XPNPEP3: variants seen among roughly 807,000 people sequenced by gnomAD.
XPNPEP3 encodes the protein X-prolyl aminopeptidase 3.
Under a neutral mutation model 60.0 loss-of-function variants are expected in XPNPEP3, and 41 were observed. The ratio of observed to expected loss-of-function variants is 0.68; its 90% confidence interval spans 0.53 to 0.89. The LOEUF is 0.89. Among genes scored for constraint, XPNPEP3 ranks in the 40% least tolerant of loss-of-function variants. XPNPEP3 has a pLI of 0.00. For synonymous variants in XPNPEP3, 212 were observed against 223.2 expected (o/e 0.95, Z 0.45); for missense variants, 598 against 638.9 (o/e 0.94, Z 0.69).
At chr22:40,902,722 T>G (rs1304930369) in intron 4 of XPNPEP3, among the ~76,000 whole-genome samples, 3 of 152,222 alleles carry the variant, frequency 2.0e-5, no homozygotes, top group Non-Finnish European at 4.4e-5. Flanking sequence ...TAGAGTTCAA[T>G]TGTTAAAGAA....
chr22:40,885,171 A>G (rs2058063870), intron 3 of XPNPEP3, among the ~76,000 whole-genome samples: 1 of 152,312 alleles, frequency 6.6e-6, no homozygotes, highest in South Asian at 2.1e-4. Flanking sequence ...ATAGAATCAT[A>G]GAATCAGTGC....
At chr22:40,879,148 A>G (rs920150395) in intron 2 of XPNPEP3, among the ~76,000 whole-genome samples, 1 of 152,168 alleles carries the variant, frequency 6.6e-6, no homozygotes, top group Non-Finnish European at 1.5e-5. Context: ...CTGCCTAAGA[A>G]ACCTAGGAGA....
At chr22:40,924,199 G>A (rs910971203) in intron 8 of XPNPEP3, among the ~76,000 whole-genome samples, 163 bp from the exon 9 acceptor site, 3 of 152,110 alleles carry the variant, frequency 2.0e-5, no homozygotes, top group Non-Finnish European at 2.9e-5. Context: ...GTAAGAGGTC[G>A]CAGTTTTTCA....
intron 4 of XPNPEP3, among the ~76,000 whole-genome samples, chr22:40,901,694 C>T (rs1218488978): frequency 6.6e-6 from 1 of 151,772 alleles, no homozygotes; most frequent in Non-Finnish European, 1.5e-5. Context: ...AGGCTGGTTT[C>T]GAACTGCTGG....
At position 40,926,489 on chromosome 22, in the gene XPNPEP3, C is replaced by A; in HGVS notation, c.*54C>A. The A allele has an allele frequency of 6.3e-7, 1 of 1,598,448 alleles. No individual in the cohort carries two copies. Among genetic ancestry groups the A allele is most frequent in the Non-Finnish European group, 8.6e-7 (1 of 1,166,830 alleles). On this transcript the variant is annotated 3_prime_UTR_variant, in exon 10 of 10. Coordinates refer to ENST00000357137, the MANE Select transcript of XPNPEP3 (RefSeq NM_022098.4). The stretch of plus-strand genomic sequence containing the variant: ...GTTCAAAATGGGTGTCTTCTGGCAG[C>A]CCTGCACGTGTGCTTTCTGAGTGTC...
chr22:40,877,098 A>G (rs537591186), intron 2 of XPNPEP3, among the ~76,000 whole-genome samples: 1 of 152,292 alleles, frequency 6.6e-6, no homozygotes, highest in Non-Finnish European at 1.5e-5. Flanking sequence ...GACTTTGTGT[A>G]AGTAGAATCA....
At position 40,861,410 on chromosome 22, in the gene XPNPEP3, A is replaced by G. The variant is rs772998108; in HGVS notation, c.64+4165A>G. 11 of 1,613,738 alleles carry G rather than the reference A, an allele frequency of 6.8e-6. No individual in the cohort carries two copies. The South Asian group carries it at 1.2e-4, about 18-fold the overall frequency. ...TTTTCTTTGTATTAATATTTCTGCC[A>G]TTAACGATTTTGTCTGAAGTTGTAA... On this transcript the variant is annotated intron_variant, in intron 1 of 9. Coordinates refer to ENST00000357137, the MANE Select transcript of XPNPEP3 (RefSeq NM_022098.4).
At chr22:40,924,800 C>T (rs1016723408) in intron 9 of XPNPEP3, among the ~76,000 whole-genome samples, 3 of 152,114 alleles carry the variant, frequency 2.0e-5, no homozygotes, top group African/African-American at 2.4e-5. Flanking sequence ...TAGGATTATA[C>T]GTGAGCTACC....
intron 1 of XPNPEP3, among the ~76,000 whole-genome samples, chr22:40,864,249 CTT>C: frequency 6.6e-6 from 1 of 152,244 alleles, no homozygotes; most frequent in East Asian, 1.9e-4. Flanking sequence ...TCTGTAAACT[CTT>C]GGGGTGCTGG....
chr22:40,903,500 T>G (rs1481550863), intron 4 of XPNPEP3, among the ~76,000 whole-genome samples: 1 of 152,000 alleles, frequency 6.6e-6, no homozygotes, highest in Non-Finnish European at 1.5e-5. Flanking sequence ...TTGATTTTTT[T>G]TTTTTTTTAA....
intron 6 of XPNPEP3, among the ~76,000 whole-genome samples, chr22:40,910,056 C>A (rs916872933): frequency 6.6e-6 from 1 of 151,294 alleles, no homozygotes; most frequent in Admixed American, 6.6e-5. Flanking sequence ...AAGTCCATTT[C>A]TTTACTGATT....
At chr22:40,897,101 G>A (rs1420702010) in intron 4 of XPNPEP3, among the ~76,000 whole-genome samples, 3 of 140,062 alleles carry the variant, frequency 2.1e-5, no homozygotes, top group Non-Finnish European at 3.0e-5. Flanking sequence ...GCGCAATCTC[G>A]GCTCACTGCA....
intron 1 of XPNPEP3, among the ~76,000 whole-genome samples, chr22:40,859,342 A>G (rs766259385): frequency 6.6e-6 from 1 of 152,190 alleles, no homozygotes; most frequent in Non-Finnish European, 1.5e-5. Context: ...ATTTTAAGCT[A>G]TTGAGTAAGA....
At chr22:40,893,025 T>C (rs1327796626) in intron 4 of XPNPEP3, among the ~76,000 whole-genome samples, 1 of 150,946 alleles carries the variant, frequency 6.6e-6, no homozygotes, top group Non-Finnish European at 1.5e-5. Flanking sequence ...TTTTATGTGT[T>C]AGATTATTAT....
At position 40,924,353 on chromosome 22, in the gene XPNPEP3, C is replaced by T. The variant is rs1417343414; in HGVS notation, c.1237-9C>T. On this transcript the variant is annotated splice_polypyrimidine_tract_variant and intron_variant, in intron 8 of 9. Transcript: ENST00000357137. ...GCTCTAATGATACTGTGACAATTAT[C>T]TTTTCCAGGCTGCTCGAAAATACTG... The T allele has an allele frequency of 6.2e-7, 1 of 1,614,108 alleles. No individual in the cohort carries two copies.
intron 7 of XPNPEP3, among the ~76,000 whole-genome samples, chr22:40,920,319 G>A (rs1342164141): frequency 1.3e-5 from 2 of 152,054 alleles, no homozygotes; most frequent in Non-Finnish European, 2.9e-5. Flanking sequence ...GCAGTGAGCC[G>A]AGATCGCACC....
chr22:40,902,432 A>G (rs375120957), intron 4 of XPNPEP3, among the ~76,000 whole-genome samples: 245 of 152,018 alleles, frequency 1.6e-3, no homozygotes, highest in African/African-American at 5.5e-3. Context: ...TTGTATTTTT[A>G]GTAGAGATGG....
At chr22:40,915,670 G>A (rs1448963636) in intron 7 of XPNPEP3, among the ~76,000 whole-genome samples, 1 of 152,096 alleles carries the variant, frequency 6.6e-6, no homozygotes, top group African/African-American at 2.4e-5. Context: ...ATTGATTTAA[G>A]ATATCAAATG....
intron 3 of XPNPEP3, among the ~76,000 whole-genome samples, chr22:40,884,007 A>G (rs2146252057): frequency 6.6e-6 from 1 of 152,312 alleles, no homozygotes; most frequent in South Asian, 2.1e-4. Context: ...GTTTTTCACA[A>G]TCATAAAATA....
Sources: allele counts gnomAD v4.1 joint callset (sites outside exome capture counted in the v4.1 genomes callset), GRCh38; gene constraint gnomAD v4.1.1; transcripts MANE v1.5; gene names NCBI Gene and HGNC (gene_info 2026-07-23, HGNC 2026-07-21).